HSD17B12: variants seen among roughly 807,000 people sequenced by gnomAD.
The protein encoded by HSD17B12 is hydroxysteroid 17-beta dehydrogenase 12, also known as very-long-chain 3-oxoacyl-CoA reductase.
HSD17B12 carries 32 observed loss-of-function variants against 39.3 expected under a neutral mutation model. The ratio of observed to expected loss-of-function variants is 0.81; its 90% confidence interval spans 0.61 to 1.09. The LOEUF (loss-of-function observed/expected upper bound fraction) is 1.09. HSD17B12 is among the 50% of genes least tolerant of loss of function. The probability of loss-of-function intolerance (pLI) is 0.00; values close to 1 mark genes in which losing one functional copy is unlikely to be tolerated. For missense variants in HSD17B12, 342 were observed against 382.9 expected (o/e 0.89, Z 0.89); for synonymous variants, 150 against 146.7 (o/e 1.02, Z -0.16).
chr11:43,846,870 G>T (rs1191425744), intron 9 of HSD17B12, among the ~76,000 whole-genome samples: 1 of 152,152 alleles, frequency 6.6e-6, no homozygotes, highest in Non-Finnish European at 1.5e-5. Flanking sequence ...AAAACTGGAG[G>T]TATATATCAT....
intron 4 of HSD17B12, among the ~76,000 whole-genome samples, chr11:43,811,209 G>A (rs369428024): frequency 3.3e-5 from 5 of 152,024 alleles, no homozygotes; most frequent in Admixed American, 6.6e-5. Flanking sequence ...CAAAAGATTC[G>A]CACTATTCTG....
chr11:43,752,387 G>T (rs928356981), intron 2 of HSD17B12, among the ~76,000 whole-genome samples: 2 of 151,994 alleles, frequency 1.3e-5, no homozygotes, highest in African/African-American at 4.8e-5. Context: ...GATAGTTTTT[G>T]CCTAGATTGG....
Position 43,783,792 on chromosome 11 carries a change from A to G in HSD17B12, c.284-14528A>G, listed in dbSNP as rs115648868. On this transcript the variant is annotated intron_variant, in intron 3 of 10. Transcript: ENST00000278353. ...TTGTTTACATAGGATACCACTATCA[A>G]TGTTTATCACATTATAAATTGAAAC... 6.6e-3 allele frequency among the ~76,000 whole-genome samples: 1,003 copies of G among 151,566 alleles called. 18 individuals are homozygous for G. The highest frequency in any genetic ancestry group is 0.023 in the African/African-American group (941 of 41,512).
At chr11:43,716,672 A>C (rs1391870439) in intron 1 of HSD17B12, among the ~76,000 whole-genome samples, 3 of 150,284 alleles carry the variant, frequency 2.0e-5, no homozygotes, top group African/African-American at 7.3e-5. Flanking sequence ...AATTAAACAA[A>C]GAAACAATAA....
At chr11:43,777,381 G>A (rs977101109) in intron 3 of HSD17B12, among the ~76,000 whole-genome samples, 8 of 152,206 alleles carry the variant, frequency 5.3e-5, no homozygotes, top group African/African-American at 1.9e-4. Flanking sequence ...GTGAATGGGA[G>A]TTCACTCATG....
At chr11:43,601,082 AT>A in the HSD17B12 span, among the ~76,000 whole-genome samples, 13 of 148,996 alleles carry the variant, frequency 8.7e-5, no homozygotes, top group Non-Finnish European at 1.5e-4. Context: ...TTTTATTTTT[AT>A]TTTTTATTTA....
At chr11:43,626,315 A>AC in the HSD17B12 span, among the ~76,000 whole-genome samples, 1 of 151,828 alleles carries the variant, frequency 6.6e-6, no homozygotes, top group African/African-American at 2.4e-5. Context: ...TTGAATGCCA[A>AC]CCATTTCAGT....
At chr11:43,725,294 T>G (rs533085536) in intron 1 of HSD17B12, among the ~76,000 whole-genome samples, 1 of 152,324 alleles carries the variant, frequency 6.6e-6, no homozygotes, top group East Asian at 1.9e-4. Context: ...CAGAAATTAT[T>G]GCAAAGGTTA....
At chr11:43,642,028 T>C in the HSD17B12 span, among the ~76,000 whole-genome samples, 20 of 151,984 alleles carry the variant, frequency 1.3e-4, no homozygotes, top group Middle Eastern at 3.4e-3. Flanking sequence ...TATTAACATA[T>C]ATATATTCTT....
Position 43,810,208 on chromosome 11 carries a change from T to C in HSD17B12, c.392-5229T>C, listed in dbSNP as rs974844390. 3.3e-5 allele frequency among the ~76,000 whole-genome samples: 5 copies of C among 152,190 alleles called. No individual in the cohort carries two copies. In the South Asian group the frequency reaches 8.3e-4, roughly 25 times the overall value. ...AGATACCAAAAATCTAATTTTCTGA[T>C]GACATCATTATATCTCTATAGCAGC... On this transcript the variant is annotated intron_variant, in intron 4 of 10. Coordinates refer to ENST00000278353, the MANE Select transcript of HSD17B12 (RefSeq NM_016142.3).
chr11:43,779,767 A>C (rs1396764923), intron 3 of HSD17B12, among the ~76,000 whole-genome samples: 1 of 152,222 alleles, frequency 6.6e-6, no homozygotes, highest in African/African-American at 2.4e-5. Flanking sequence ...GAGAAATAAA[A>C]CTGCCAGCTG....
intron 4 of HSD17B12, among the ~76,000 whole-genome samples, chr11:43,813,811 G>T (rs187658528): frequency 6.6e-6 from 1 of 152,278 alleles, no homozygotes; most frequent in East Asian, 1.9e-4. Flanking sequence ...TCCCTATTCA[G>T]ATGAGTATGA....
At chr11:43,811,252 G>GT (rs902702326) in intron 4 of HSD17B12, among the ~76,000 whole-genome samples, 2 of 152,158 alleles carry the variant, frequency 1.3e-5, no homozygotes, top group Admixed American at 6.5e-5. Context: ...GAGAGCAACA[G>GT]TTTTTTCTCT....
chr11:43,680,782 A>C lies in HSD17B12; in HGVS notation c.-46A>C. 1 of 1,548,126 alleles carries C rather than the reference A, an allele frequency of 6.5e-7. No individual in the cohort carries two copies. Among genetic ancestry groups the C allele is most frequent in the East Asian group, 2.3e-5 (1 of 44,382 alleles). On this transcript the variant is annotated 5_prime_UTR_variant, in exon 1 of 11. Transcript: ENST00000278353. ...CCGGCGCCTCCTCCTGGATTCATTC[A>C]CTCGCTCTTTTCATTCACGAAGGTA...
the HSD17B12 span, among the ~76,000 whole-genome samples, chr11:43,583,345 G>T: frequency 1.3e-5 from 2 of 152,080 alleles, no homozygotes; most frequent in African/African-American, 4.8e-5. Context: ...TCCTCTCCTC[G>T]CCTCGCCTCG....
chr11:43,714,996 T>C (rs7111965), intron 1 of HSD17B12, among the ~76,000 whole-genome samples: 1 of 152,106 alleles, frequency 6.6e-6, no homozygotes, highest in African/African-American at 2.4e-5. Context: ...CTTTGCTGAA[T>C]TTGCTTATCA....
Position 43,854,756 on chromosome 11 carries a change from C to A in HSD17B12, c.726C>A (p.Ile242=). ...TCGTAGCTACAAAACTGGCTAAAAT[C>A]CGGAAGCCAACTTTGGATAAGCCCT... The part of the protein sequence containing the change: ...PYFVATKLAK[I]RKPTLDKPSP... Residue 242 remains isoleucine, a synonymous_variant, in exon 10 of 11, where the codon ATC becomes ATA. Transcript: ENST00000278353. 6.2e-7 allele frequency: 1 copy of A among 1,614,148 alleles called. No individual in the cohort carries two copies. The highest frequency in any genetic ancestry group is 2.2e-5 in the East Asian group (1 of 44,886).
At chr11:43,851,269 C>T (rs1022770670) in intron 9 of HSD17B12, among the ~76,000 whole-genome samples, 1 of 152,128 alleles carries the variant, frequency 6.6e-6, no homozygotes. Context: ...GTAATGGGAA[C>T]TTGTTGAAAT....
intron 3 of HSD17B12, among the ~76,000 whole-genome samples, chr11:43,791,527 G>A (rs909580091): frequency 6.6e-6 from 1 of 150,430 alleles, no homozygotes; most frequent in Non-Finnish European, 1.5e-5. Context: ...GTGAGACTCT[G>A]TCTCAAAAAA....
Sources: allele counts gnomAD v4.1 joint callset (sites outside exome capture counted in the v4.1 genomes callset), GRCh38; gene constraint gnomAD v4.1.1; transcripts MANE v1.5; gene names NCBI Gene and HGNC (gene_info 2026-07-23, HGNC 2026-07-21).